QTMAN: variants seen among roughly 807,000 people sequenced by gnomAD.
QTMAN encodes tRNA-queuosine alpha-mannosyltransferase.
At chr2:144,111,112 G>T in the QTMAN span, among the ~76,000 whole-genome samples, 1 of 152,132 alleles carries the variant, frequency 6.6e-6, no homozygotes, top group East Asian at 1.9e-4. Context: ...GCATAAATTT[G>T]CACCCTCTAT....
chr2:144,068,199 G>A, the QTMAN span, among the ~76,000 whole-genome samples: 1 of 152,014 alleles, frequency 6.6e-6, no homozygotes, highest in South Asian at 2.1e-4. Context: ...TGTATGACAG[G>A]CATCTAAAGA....
chr2:144,329,036 T>C, the QTMAN span, among the ~76,000 whole-genome samples: 679 of 152,110 alleles, frequency 4.5e-3, 8 homozygotes, highest in Non-Finnish European at 6.1e-3. Context: ...AGGCGGGCGA[T>C]CGAGACCAGC....
the QTMAN span, among the ~76,000 whole-genome samples, chr2:144,008,958 G>A: frequency 4.0e-5 from 6 of 151,898 alleles, no homozygotes; most frequent in African/African-American, 1.5e-4. Flanking sequence ...GAGAAAAGGA[G>A]GTAGAGAGAA....
chr2:144,145,740 C>A, the QTMAN span: 3 of 1,605,758 alleles, frequency 1.9e-6, no homozygotes, highest in Non-Finnish European at 2.6e-6. Flanking sequence ...AAAGAGGGTC[C>A]TAGGAAACAA....
At chr2:144,209,024 AT>A in the QTMAN span, among the ~76,000 whole-genome samples, 1 of 152,022 alleles carries the variant, frequency 6.6e-6, no homozygotes, top group Non-Finnish European at 1.5e-5. Flanking sequence ...TATTTTTCTG[AT>A]TTGTTTTCCT....
At chr2:143,982,235 TC>T in the QTMAN span, among the ~76,000 whole-genome samples, 4 of 150,030 alleles carry the variant, frequency 2.7e-5, no homozygotes, top group Admixed American at 6.6e-5. Context: ...TCTTTCTTTC[TC>T]TTTTTTTTTT....
At chr2:144,100,433 T>A in the QTMAN span, among the ~76,000 whole-genome samples, 10 of 152,328 alleles carry the variant, frequency 6.6e-5, no homozygotes, top group African/African-American at 1.9e-4. Context: ...AGAATAAGCA[T>A]AGAAAAATGA....
the QTMAN span, among the ~76,000 whole-genome samples, chr2:144,292,905 T>C: frequency 6.6e-6 from 1 of 152,146 alleles, no homozygotes; most frequent in African/African-American, 2.4e-5. Context: ...ATCAAGTAAT[T>C]CAATTTCAGA....
the QTMAN span, chr2:143,943,464 T>C: frequency 2.6e-5 from 4 of 152,224 alleles, no homozygotes; most frequent in African/African-American, 9.6e-5. Context: ...AAAGACAGCA[T>C]GGACTATCAT....
the QTMAN span, among the ~76,000 whole-genome samples, chr2:144,169,313 AT>A: frequency 3.3e-5 from 5 of 152,168 alleles, no homozygotes; most frequent in East Asian, 9.6e-4. Flanking sequence ...ATTTTCTACT[AT>A]GGAAATTTTC....
At chr2:144,080,187 A>G in the QTMAN span, among the ~76,000 whole-genome samples, 1 of 152,124 alleles carries the variant, frequency 6.6e-6, no homozygotes, top group African/African-American at 2.4e-5. Context: ...TGCCTCTTTA[A>G]CAATAATCTC....
At chr2:144,282,164 A>G in the QTMAN span, among the ~76,000 whole-genome samples, 1 of 152,256 alleles carries the variant, frequency 6.6e-6, no homozygotes, top group South Asian at 2.1e-4. Context: ...GTTTCTAAAC[A>G]TGGGGCCCAG....
the QTMAN span, among the ~76,000 whole-genome samples, chr2:144,260,487 T>C: frequency 6.6e-6 from 1 of 152,124 alleles, no homozygotes; most frequent in Non-Finnish European, 1.5e-5. Flanking sequence ...TTAATGCAAA[T>C]CTTTATTTTA....
At chr2:143,939,936 T>C in the QTMAN span, 1 of 152,188 alleles carries the variant, frequency 6.6e-6, no homozygotes, top group African/African-American at 2.4e-5. Context: ...GTTTGTCTCT[T>C]TCTCTTTCTT....
the QTMAN span, among the ~76,000 whole-genome samples, chr2:143,999,928 T>C: frequency 4.3e-3 from 651 of 152,228 alleles, 6 homozygotes; most frequent in African/African-American, 0.014. Flanking sequence ...AGATTGTGAC[T>C]GCTATAGGTA....
At chr2:144,217,503 A>G in the QTMAN span, among the ~76,000 whole-genome samples, 1 of 152,116 alleles carries the variant, frequency 6.6e-6, no homozygotes, top group African/African-American at 2.4e-5. Flanking sequence ...ATAAATTAAT[A>G]TATTAATTGC....
chr2:144,259,041 T>C, the QTMAN span, among the ~76,000 whole-genome samples: 1 of 152,224 alleles, frequency 6.6e-6, no homozygotes, highest in Non-Finnish European at 1.5e-5. Context: ...AAACAAGTTA[T>C]TCCTTTTCTG....
chr2:143,995,358 CA>C, the QTMAN span, among the ~76,000 whole-genome samples: 1 of 151,666 alleles, frequency 6.6e-6, no homozygotes, highest in Admixed American at 6.6e-5. Context: ...TGATTTTAAC[CA>C]ATAAGAGACA....
the QTMAN span, among the ~76,000 whole-genome samples, chr2:144,198,176 A>G: frequency 2.4e-4 from 36 of 152,188 alleles, no homozygotes; most frequent in African/African-American, 8.7e-4. Context: ...GCAGTGAGCT[A>G]TGACTGTACT....
Sources: allele counts gnomAD v4.1 joint callset (sites outside exome capture counted in the v4.1 genomes callset), GRCh38; gene constraint gnomAD v4.1.1; transcripts MANE v1.5; gene names NCBI Gene and HGNC (gene_info 2026-07-23, HGNC 2026-07-21).